The following VAV2 variants were observed in gnomAD, a reference collection of about 807,000 sequenced individuals.
The protein encoded by VAV2 is guanine nucleotide exchange factor VAV2.
Under a neutral mutation model 132.5 loss-of-function variants are expected in VAV2, and 67 were observed. That is an observed-to-expected ratio of 0.51 (90% CI 0.42 to 0.62). The LOEUF is 0.62. VAV2 is among the 20% of genes least tolerant of loss of function. VAV2 has a pLI of 0.00. For missense variants in VAV2, 938 were observed against 1,153.6 expected (o/e 0.81, Z 2.71); for synonymous variants, 492 against 443.5 (o/e 1.11, Z -1.37).
intron 4 of VAV2, among the ~76,000 whole-genome samples, chr9:133,829,197 T>C (rs1025803439): frequency 2.0e-5 from 3 of 152,248 alleles, no homozygotes; most frequent in African/African-American, 7.2e-5. Flanking sequence ...ATTAGAGCAA[T>C]TTAAAAACAG....
At chr9:133,782,266 C>T (rs1004729482) in intron 19 of VAV2, among the ~76,000 whole-genome samples, 1 of 151,920 alleles carries the variant, frequency 6.6e-6, no homozygotes, top group African/African-American at 2.4e-5. Flanking sequence ...GTAAACATTA[C>T]CTTTAGAATC....
chr9:133,830,659 T>C (rs1366516852), intron 4 of VAV2, among the ~76,000 whole-genome samples: 3 of 152,186 alleles, frequency 2.0e-5, no homozygotes, highest in Non-Finnish European at 2.9e-5. Context: ...GTAATACTAA[T>C]AGACCTGGCT....
intron 2 of VAV2, among the ~76,000 whole-genome samples, chr9:133,865,437 T>C (rs1359042007): frequency 6.6e-6 from 1 of 152,216 alleles, no homozygotes; most frequent in Admixed American, 6.5e-5. Flanking sequence ...CTTAGTGACT[T>C]CCTCGGTTCT....
chr9:133,990,301 C>T (rs1012996455), intron 1 of VAV2, among the ~76,000 whole-genome samples: 1 of 152,142 alleles, frequency 6.6e-6, no homozygotes, highest in Non-Finnish European at 1.5e-5. Context: ...CAGCAGGGCT[C>T]AAGGGGCCTC....
chr9:133,867,842 C>T (rs1262198050), intron 2 of VAV2, among the ~76,000 whole-genome samples: 3 of 152,252 alleles, frequency 2.0e-5, no homozygotes, highest in Non-Finnish European at 2.9e-5. Flanking sequence ...CAGTGTGGGG[C>T]GGTCCACCTG....
At chr9:133,810,751 CCAGGGA>C (rs1049845519) in intron 5 of VAV2, among the ~76,000 whole-genome samples, 3 of 152,128 alleles carry the variant, frequency 2.0e-5, no homozygotes, top group African/African-American at 7.2e-5. Flanking sequence ...ACCTTCAGAA[CCAGGGA>C]CAGCAGCGGG....
intron 8 of VAV2, among the ~76,000 whole-genome samples, chr9:133,806,939 A>C (rs1835171647): frequency 6.6e-6 from 1 of 152,244 alleles, no homozygotes; most frequent in Non-Finnish European, 1.5e-5. Context: ...GGGTCCGCTC[A>C]AAGGGGTGGA....
intron 1 of VAV2, among the ~76,000 whole-genome samples, chr9:133,954,550 A>G (rs1422848077): frequency 6.6e-6 from 1 of 152,252 alleles, no homozygotes; most frequent in East Asian, 1.9e-4. Context: ...TCGCAGGTCC[A>G]GCCATGGGAG....
rs1392835924 is a variant in VAV2 at position 133,991,376 on chromosome 9, A to G, written c.204+699T>C. On this transcript the variant is annotated intron_variant, in intron 1 of 29. Transcript: ENST00000371850. This position sits in a 1 kb window ranked among gnomAD's most constrained non-coding sequence, Gnocchi z 4.8. Reference sequence around the variant, plus strand: ...GCCGCACGCGTGCCTCCGCCGCGACAAAGGCCACACTCAGCGCCCGAAGGA... The same window carrying G: ...GCCGCACGCGTGCCTCCGCCGCGACGAAGGCCACACTCAGCGCCCGAAGGA... 2.6e-5 allele frequency among the ~76,000 whole-genome samples: 4 copies of G among 152,200 alleles called. No individual in the cohort carries two copies. The highest frequency in any genetic ancestry group is 2.1e-4 in the South Asian group (1 of 4,836).
Position 133,836,941 on chromosome 9 carries a change from C to A in VAV2, c.381-2601G>T, listed in dbSNP as rs1354084069. 2.6e-5 allele frequency among the ~76,000 whole-genome samples: 4 copies of A among 152,200 alleles called. No homozygotes were observed. In the East Asian group the frequency reaches 7.7e-4, roughly 29 times the overall value. ...AGGGTTCTTAACACAGGGCTCTACT[C>A]CTCCATCAGTCCTGGGACTCAGACA... On this transcript the variant is annotated intron_variant, in intron 3 of 29. Coordinates refer to ENST00000371850, the MANE Select transcript of VAV2 (RefSeq NM_001134398.2).
At position 133,927,619 on chromosome 9, in the gene VAV2, G is replaced by A. The variant is rs148316296; in HGVS notation, c.321+11484C>T. 4.8e-3 allele frequency among the ~76,000 whole-genome samples: 734 copies of A among 152,132 alleles called. 4 individuals are homozygous for A. The highest frequency in any genetic ancestry group is 8.5e-3 in the Non-Finnish European group (575 of 67,998). On this transcript the variant is annotated intron_variant, in intron 2 of 29. Transcript: ENST00000371850. Reference sequence around the variant, plus strand: ...TCACCCCCTGCACCCTTGCCTTTCTGTCTGGAGTTGGCCCCACTCCAAGCG... The same window carrying A: ...TCACCCCCTGCACCCTTGCCTTTCTATCTGGAGTTGGCCCCACTCCAAGCG...
intron 4 of VAV2, among the ~76,000 whole-genome samples, chr9:133,828,559 C>T (rs566889117): frequency 2.6e-5 from 4 of 152,354 alleles, no homozygotes; most frequent in African/African-American, 9.6e-5. Context: ...CCCCTGCAGC[C>T]AGCACAGGCT....
intron 12 of VAV2, among the ~76,000 whole-genome samples, chr9:133,792,678 ACCCCCCCCCCCAC>A (rs919388495): frequency 3.4e-5 from 4 of 118,746 alleles, no homozygotes; most frequent in East Asian, 2.7e-4. Context: ...CCCCCAAGGG[ACCCCCCCCCCCAC>A]CCCCCACCCA....
At chr9:133,793,546 C>G (rs1243845947) in intron 12 of VAV2, among the ~76,000 whole-genome samples, 1 of 152,160 alleles carries the variant, frequency 6.6e-6, no homozygotes, top group Non-Finnish European at 1.5e-5. Flanking sequence ...AGTAGCAAGT[C>G]TGGAGCTCAG....
At chr9:133,807,464 C>T (rs1835194517) in intron 7 of VAV2, 138 bp from the exon 8 acceptor site, 1 of 816,530 alleles carries the variant, frequency 1.2e-6, no homozygotes, top group Non-Finnish European at 1.9e-6. Flanking sequence ...AGCCTGTGTT[C>T]TGGCCACATC....
At chr9:133,844,327 A>C (rs555338956) in intron 3 of VAV2, among the ~76,000 whole-genome samples, 1 of 152,312 alleles carries the variant, frequency 6.6e-6, no homozygotes, top group East Asian at 1.9e-4. Context: ...CCCGGTGAGC[A>C]TGCAGAGCCC....
chr9:133,763,961 G>T lies in VAV2; in HGVS notation c.*101C>A. ...CCTGTGGGCAGTGGAAGACTGGGAG[G>T]TTGGTATTTCCCCTCTGAGTCACAG... is the stretch of plus-strand genomic sequence containing the variant. On this transcript the variant is annotated 3_prime_UTR_variant, in exon 30 of 30. Transcript: ENST00000371850. This position sits in a 1 kb window ranked among gnomAD's most constrained non-coding sequence, Gnocchi z 6.8. 7.1e-7 allele frequency: 1 copy of T among 1,400,968 alleles called. No individual in the cohort carries two copies. Among genetic ancestry groups the T allele is most frequent in the Non-Finnish European group, 1.0e-6 (1 of 990,694 alleles). 86.8% of individuals were successfully genotyped at this position (1,400,968 alleles called of 1,614,324 possible).
intron 2 of VAV2, among the ~76,000 whole-genome samples, chr9:133,932,585 T>C (rs889521191): frequency 2.0e-5 from 3 of 152,224 alleles, no homozygotes; most frequent in Non-Finnish European, 4.4e-5. Flanking sequence ...CCGTTCATTT[T>C]TTCACCGAGT....
intron 2 of VAV2, among the ~76,000 whole-genome samples, chr9:133,875,124 C>T (rs899536285): frequency 3.3e-5 from 5 of 152,218 alleles, no homozygotes; most frequent in Admixed American, 3.3e-4. Flanking sequence ...GGATCACCTG[C>T]GTTTCTTTCA....
Sources: allele counts gnomAD v4.1 joint callset (sites outside exome capture counted in the v4.1 genomes callset), GRCh38; gene constraint gnomAD v4.1.1; non-coding constraint Gnocchi (gnomAD v3.1); transcripts MANE v1.5; gene names NCBI Gene and HGNC (gene_info 2026-07-23, HGNC 2026-07-21).